The following SLC4A10 variants were observed in gnomAD, a reference collection of about 807,000 sequenced individuals.
The protein encoded by SLC4A10 is solute carrier family 4 member 10.
In SLC4A10, 42 loss-of-function variants were observed where a neutral mutation model predicts 137.7. The ratio of observed to expected loss-of-function variants is 0.30; its 90% confidence interval spans 0.24 to 0.39. SLC4A10 has a LOEUF of 0.39. SLC4A10 is among the 10% of genes least tolerant of loss of function. The pLI is 1.00. For missense variants in SLC4A10, 925 were observed against 1,355.0 expected (o/e 0.68, Z 4.98); for synonymous variants, 474 against 464.1 (o/e 1.02, Z -0.27).
chr2:161,674,368 T>G (rs549722697), intron 1 of SLC4A10, among the ~76,000 whole-genome samples: 11 of 152,352 alleles, frequency 7.2e-5, no homozygotes, highest in African/African-American at 2.6e-4. Context: ...GTAGCATTGA[T>G]AGTGCATTTA....
At chr2:161,793,783 T>C (rs2054465670) in intron 2 of SLC4A10, among the ~76,000 whole-genome samples, 1 of 152,176 alleles carries the variant, frequency 6.6e-6, no homozygotes, top group Non-Finnish European at 1.5e-5. Flanking sequence ...TCAAACTGCT[T>C]CTAAATATCT....
intron 1 of SLC4A10, among the ~76,000 whole-genome samples, chr2:161,677,135 A>C (rs2040356728): frequency 1.3e-5 from 2 of 151,996 alleles, no homozygotes. Context: ...GAAGTGAGTG[A>C]GTTCTTACTC....
At chr2:161,972,404 T>C (rs1478979912) in intron 23 of SLC4A10, among the ~76,000 whole-genome samples, 2 of 152,160 alleles carry the variant, frequency 1.3e-5, no homozygotes, top group Non-Finnish European at 2.9e-5. Flanking sequence ...TATGACTAAC[T>C]CAGCTGTAAG....
chr2:161,942,768 A>G (rs951088872), intron 15 of SLC4A10, 24 bp from the exon 16 acceptor site: 1 of 1,561,700 alleles, frequency 6.4e-7, no homozygotes, highest in East Asian at 2.3e-5. Context: ...TTATTTCACA[A>G]AAGACACTAT....
intron 11 of SLC4A10, 148 bp from the exon 12 acceptor site, chr2:161,900,763 C>T: frequency 1.8e-6 from 1 of 551,590 alleles, no homozygotes; most frequent in Non-Finnish European, 3.2e-6. Flanking sequence ...AAATAACTTC[C>T]TGGAGGTCAA....
rs149977930 is a variant in SLC4A10 at position 161,888,278 on chromosome 2, C to T, written c.1194+5834C>T. ...TAGGATTGTCATGGCCATACAGGCT[C>T]TATTTTTGGTTCCATATGAAATTTA... On this transcript the variant is annotated intron_variant, in intron 10 of 26. Coordinates refer to ENST00000446997, the MANE Select transcript of SLC4A10 (RefSeq NM_001178015.2). Among the ~76,000 whole-genome samples the T allele has an allele frequency of 1.2e-3, 182 of 152,222 alleles. 1 individual carries two copies. Among genetic ancestry groups the T allele is most frequent in the Middle Eastern group, 3.4e-3 (1 of 294 alleles).
At chr2:161,930,048 T>G (rs1690040917) in intron 15 of SLC4A10, among the ~76,000 whole-genome samples, 1 of 152,202 alleles carries the variant, frequency 6.6e-6, no homozygotes, top group African/African-American at 2.4e-5. Context: ...CTGGTCTTTC[T>G]TGGAATAATA....
intron 1 of SLC4A10, among the ~76,000 whole-genome samples, chr2:161,693,707 A>G (rs186743493): frequency 2.7e-5 from 4 of 147,096 alleles, no homozygotes; most frequent in Admixed American, 6.8e-5. Context: ...TCCACATATA[A>G]GTGATATGTA....
At chr2:161,663,268 C>T (rs1381688732) in intron 1 of SLC4A10, among the ~76,000 whole-genome samples, 1 of 151,904 alleles carries the variant, frequency 6.6e-6, no homozygotes, top group African/African-American at 2.4e-5. Flanking sequence ...ATAAGAATAC[C>T]AAACACACAA....
chr2:161,789,524 A>T (rs961673793), intron 2 of SLC4A10, among the ~76,000 whole-genome samples: 2 of 152,236 alleles, frequency 1.3e-5, no homozygotes, highest in East Asian at 3.9e-4. Context: ...ATCTTGAAAA[A>T]AAAAAGCTAC....
At chr2:161,776,905 G>C (rs1218933405) in intron 2 of SLC4A10, among the ~76,000 whole-genome samples, 1 of 148,150 alleles carries the variant, frequency 6.7e-6, no homozygotes, top group African/African-American at 2.6e-5. Flanking sequence ...TGATAGTTAT[G>C]GTAATGGATG....
intron 1 of SLC4A10, among the ~76,000 whole-genome samples, chr2:161,767,139 ATGTGTGTGTG>A (rs1245094195): frequency 1.9e-4 from 11 of 57,120 alleles, no homozygotes; most frequent in African/African-American, 5.5e-4. Context: ...ATATATATAT[ATGTGTGTGTG>A]TGTGTGTGTG....
intron 15 of SLC4A10, among the ~76,000 whole-genome samples, chr2:161,924,179 C>A (rs1281113091): frequency 6.6e-6 from 1 of 151,724 alleles, no homozygotes; most frequent in Non-Finnish European, 1.5e-5. Context: ...TTTTCTTTTT[C>A]ATTTATCTTC....
At chr2:161,899,039 A>G (rs1402332559) in intron 11 of SLC4A10, among the ~76,000 whole-genome samples, 1 of 152,058 alleles carries the variant, frequency 6.6e-6, no homozygotes, top group Non-Finnish European at 1.5e-5. Flanking sequence ...GAAACAATCA[A>G]AAAAGAACTT....
At chr2:161,626,020 A>T (rs768632920) in intron 1 of SLC4A10, among the ~76,000 whole-genome samples, 3 of 152,172 alleles carry the variant, frequency 2.0e-5, no homozygotes, top group Non-Finnish European at 2.9e-5. Context: ...CCCAAACTTG[A>T]ACAAATACAT....
intron 26 of SLC4A10, among the ~76,000 whole-genome samples, chr2:161,982,025 C>T (rs1700286686): frequency 6.6e-6 from 1 of 152,110 alleles, no homozygotes. Flanking sequence ...AGTTATTGAC[C>T]ACTTAGAAAG....
At chr2:161,801,125 A>T (rs140797404) in intron 2 of SLC4A10, among the ~76,000 whole-genome samples, 1 of 152,210 alleles carries the variant, frequency 6.6e-6, no homozygotes, top group Non-Finnish European at 1.5e-5. Context: ...CTGTGTTGCA[A>T]AACTAATGAA....
At chr2:161,971,798 GA>G (rs1322956565) in intron 23 of SLC4A10, among the ~76,000 whole-genome samples, 3 of 152,192 alleles carry the variant, frequency 2.0e-5, no homozygotes, top group African/African-American at 7.2e-5. Context: ...CTTCTCTTCA[GA>G]TAAGCATGGC....
chr2:161,934,341 A>G (rs1484547774), intron 15 of SLC4A10, among the ~76,000 whole-genome samples: 1 of 152,060 alleles, frequency 6.6e-6, no homozygotes, highest in Non-Finnish European at 1.5e-5. Flanking sequence ...GCCTCTGATA[A>G]CCATCATTAT....
Sources: gnomAD v4.1 joint callset for allele counts (sites outside exome capture counted in the v4.1 genomes callset) on GRCh38, gnomAD v4.1.1 for gene constraint, MANE v1.5 for transcripts, NCBI Gene and HGNC (gene_info 2026-07-23, HGNC 2026-07-21) for gene names.